Variants in ZMIZ1 observed in about 807,000 individuals in gnomAD.
ZMIZ1 encodes the protein zinc finger MIZ domain-containing protein 1.
ZMIZ1 carries 17 observed loss-of-function variants against 113.9 expected under a neutral mutation model. The observed-to-expected ratio is 0.15, with a 90% confidence interval of 0.10 to 0.22. ZMIZ1 has a LOEUF of 0.22. Ranked by LOEUF, ZMIZ1 falls within the 10% of genes least tolerant of loss-of-function variation. The pLI, the probability that ZMIZ1 is intolerant of heterozygous loss-of-function variation, is 1.00. For synonymous variants in ZMIZ1, 607 were observed against 603.1 expected (o/e 1.01, Z -0.09); for missense variants, 1,059 against 1,477.8 (o/e 0.72, Z 4.65).
rs59030967 is a variant in ZMIZ1, at chr10:79,282,602, T to C, written c.425+5277T>C. 9.7e-3 allele frequency among the ~76,000 whole-genome samples: 1,476 copies of C among 152,324 alleles called. 22 individuals are homozygous for C. The highest frequency in any genetic ancestry group is 0.034 in the African/African-American group (1,431 of 41,574). On this transcript the variant is annotated intron_variant, in intron 8 of 24. Transcript: ENST00000334512. The stretch of plus-strand genomic sequence containing the variant: ...ATGAGGCTGTGAGTCAGGGCCTGCT[T>C]TCTTCCACACAAATGCTGTGCCTCC...
intron 4 of ZMIZ1, among the ~76,000 whole-genome samples, chr10:79,169,524 A>G (rs1020128596): frequency 6.6e-6 from 1 of 152,250 alleles, no homozygotes; most frequent in African/African-American, 2.4e-5. Flanking sequence ...AGAAGGGCTG[A>G]TAAAGATCGT....
Position 79,201,708 on chromosome 10 carries a change from G to A in ZMIZ1, c.60+16G>A, listed in dbSNP as rs781725844. On this transcript the variant is annotated intron_variant, in intron 5 of 24. Coordinates refer to ENST00000334512, the MANE Select transcript of ZMIZ1 (RefSeq NM_020338.4). ...CATCAAGCAGGTGGGTGTGGGGCAAGGCACACTCCGAGGGCGGGGCAGATG... is the reference window on the plus strand; with the variant it reads ...CATCAAGCAGGTGGGTGTGGGGCAAAGCACACTCCGAGGGCGGGGCAGATG... 1.2e-5 allele frequency: 20 copies of A among 1,611,864 alleles called. No individual in the cohort carries two copies. The highest frequency in any genetic ancestry group is 1.7e-5 in the Non-Finnish European group (20 of 1,179,724).
chr10:79,120,973 G>A (rs1355946595), intron 2 of ZMIZ1, among the ~76,000 whole-genome samples: 1 of 152,156 alleles, frequency 6.6e-6, no homozygotes, highest in Non-Finnish European at 1.5e-5. Context: ...AACCACATTT[G>A]ACTCCCTGCC....
chr10:79,090,675 C>T (rs1300091918), intron 1 of ZMIZ1, among the ~76,000 whole-genome samples: 6 of 152,206 alleles, frequency 3.9e-5, no homozygotes, highest in South Asian at 2.1e-4. Context: ...CAGTGTGCAG[C>T]GGTGCGTTTC....
intron 2 of ZMIZ1, among the ~76,000 whole-genome samples, chr10:79,122,340 C>T (rs758720793): frequency 3.3e-5 from 5 of 152,132 alleles, no homozygotes; most frequent in Admixed American, 6.5e-5. Flanking sequence ...CAACTCTTTC[C>T]GTCACGTAGT....
chr10:79,283,921 A>G (rs1852896744), intron 8 of ZMIZ1, among the ~76,000 whole-genome samples: 1 of 152,252 alleles, frequency 6.6e-6, no homozygotes, highest in Non-Finnish European at 1.5e-5. Flanking sequence ...GCATTTCATT[A>G]GCAGTAACAC....
chr10:79,156,713 C>G (rs534103656), intron 3 of ZMIZ1, among the ~76,000 whole-genome samples: 2 of 152,318 alleles, frequency 1.3e-5, no homozygotes, highest in Non-Finnish European at 2.9e-5. Context: ...CCAAGCGTAC[C>G]TCGGGACTCT....
intron 7 of ZMIZ1, among the ~76,000 whole-genome samples, chr10:79,230,032 G>C (rs1299724111): frequency 6.6e-6 from 1 of 152,190 alleles, no homozygotes; most frequent in African/African-American, 2.4e-5. Context: ...GAGGGACTGA[G>C]CCAGGATCAG....
At chr10:79,259,641 T>C (rs1851140114) in intron 7 of ZMIZ1, among the ~76,000 whole-genome samples, 1 of 147,904 alleles carries the variant, frequency 6.8e-6, no homozygotes, top group Admixed American at 6.9e-5. Flanking sequence ...TTTGAGGTGG[T>C]GTCTCACTCA....
At chr10:79,311,350 G>C (rs1037061467) in intron 24 of ZMIZ1, among the ~76,000 whole-genome samples, 166 bp downstream of exon 24, 2 of 152,146 alleles carry the variant, frequency 1.3e-5, no homozygotes, top group African/African-American at 4.8e-5. Context: ...CCCCATGATG[G>C]GGAAGTGTCA....
chr10:79,283,446 G>C (rs1231567287), intron 8 of ZMIZ1, among the ~76,000 whole-genome samples: 1 of 152,206 alleles, frequency 6.6e-6, no homozygotes, highest in Non-Finnish European at 1.5e-5. Flanking sequence ...CCATGGACCA[G>C]TCATTATTCC....
chr10:79,292,430 G>A, intron 11 of ZMIZ1, 74 bp downstream of exon 11: 3 of 1,553,360 alleles, frequency 1.9e-6, no homozygotes, highest in Non-Finnish European at 2.6e-6. Context: ...ACCAGAGTTG[G>A]GATGTCAGTG....
At chr10:79,156,227 G>A (rs1049340277) in intron 3 of ZMIZ1, among the ~76,000 whole-genome samples, 6 of 152,184 alleles carry the variant, frequency 3.9e-5, no homozygotes, top group African/African-American at 9.7e-5. Flanking sequence ...AAACCAAGTC[G>A]CAGGGATGTT....
At chr10:79,108,883 C>T (rs35107330) in intron 1 of ZMIZ1, among the ~76,000 whole-genome samples, 3,218 of 152,142 alleles carry the variant, frequency 0.021, 69 homozygotes, top group Middle Eastern at 0.061. Flanking sequence ...TGACCACCAC[C>T]GAGGCCCCTG....
intron 1 of ZMIZ1, among the ~76,000 whole-genome samples, chr10:79,087,217 C>T (rs1173251703): frequency 6.6e-6 from 1 of 152,260 alleles, no homozygotes; most frequent in Non-Finnish European, 1.5e-5. Flanking sequence ...TTTTAGTCCC[C>T]TCACATTATA....
chr10:79,290,220 G>A (rs549004005), intron 9 of ZMIZ1, among the ~76,000 whole-genome samples: 1 of 152,314 alleles, frequency 6.6e-6, no homozygotes, highest in South Asian at 2.1e-4. Context: ...TCCAAGGTCT[G>A]AGGTCTCTGA....
At chr10:79,132,773 G>T (rs1224673238) in intron 2 of ZMIZ1, among the ~76,000 whole-genome samples, 1 of 152,218 alleles carries the variant, frequency 6.6e-6, no homozygotes. Context: ...GCAGTGGGGT[G>T]GGGGCAGGGC....
chr10:79,199,032 CAAA>C (rs397794791), intron 4 of ZMIZ1, among the ~76,000 whole-genome samples: 1 of 144,698 alleles, frequency 6.9e-6, no homozygotes. Flanking sequence ...GACTCAGTCT[CAAA>C]AAAAAAAAAA....
At chr10:79,278,074 A>C (rs538022225) in intron 8 of ZMIZ1, among the ~76,000 whole-genome samples, 1 of 152,354 alleles carries the variant, frequency 6.6e-6, no homozygotes, top group East Asian at 1.9e-4. Flanking sequence ...CCCAGAGCAC[A>C]CTGCAGGCAG....
Sources: allele counts gnomAD v4.1 joint callset (sites outside exome capture counted in the v4.1 genomes callset), GRCh38; gene constraint gnomAD v4.1.1; transcripts MANE v1.5; gene names NCBI Gene and HGNC (gene_info 2026-07-23, HGNC 2026-07-21).